Variants in FLNB observed in about 807,000 individuals in gnomAD.
The protein encoded by FLNB is filamin-B.
In FLNB, 111 loss-of-function variants were observed where a neutral mutation model predicts 250.6. The observed-to-expected ratio is 0.44, with a 90% CI of 0.38 to 0.52. FLNB has a LOEUF of 0.52. Ranked by LOEUF, FLNB falls within the 20% of genes least tolerant of loss-of-function variation. The pLI, the probability that FLNB is intolerant of heterozygous loss-of-function variation, is 0.00. For synonymous variants in FLNB, 1,302 were observed against 1,372.1 expected, an observed-to-expected ratio of 0.95 and a Z score of 1.13; for missense variants, 2,869 against 3,447.8, an observed-to-expected ratio of 0.83 and a Z score of 4.20.
At chr3:58,090,102 A>C (rs1256543616) in intron 4 of FLNB, among the ~76,000 whole-genome samples, 1 of 151,798 alleles carries the variant, frequency 6.6e-6, no homozygotes, top group Non-Finnish European at 1.5e-5. Flanking sequence ...CGGCCTCTGT[A>C]AGCTTTTTTC....
intron 42 of FLNB, among the ~76,000 whole-genome samples, chr3:58,161,715 C>T (rs1449363345): frequency 1.3e-5 from 2 of 152,142 alleles, no homozygotes; most frequent in Non-Finnish European, 2.9e-5. Context: ...CCCTGCAAGG[C>T]GTCAAATATT....
At chr3:58,123,822 C>A in intron 21 of FLNB, 132 bp downstream of exon 21, 2 of 752,536 alleles carry the variant, frequency 2.7e-6, no homozygotes, top group Non-Finnish European at 2.2e-6. Context: ...TCACCTGTTC[C>A]CTCTGCCTCG....
At chr3:58,015,427 C>T (rs1481058964) in intron 1 of FLNB, among the ~76,000 whole-genome samples, 1 of 152,168 alleles carries the variant, frequency 6.6e-6, no homozygotes, top group East Asian at 1.9e-4. Flanking sequence ...TCTCCAAGTT[C>T]AGAACGTCTG....
At position 58,106,881 on chromosome 3, in the gene FLNB, A is replaced by T. The variant is rs1283664884; in HGVS notation, c.1941+8A>T. 1 of 1,612,200 alleles carries T rather than the reference A, an allele frequency of 6.2e-7. No homozygotes were observed. Among genetic ancestry groups the T allele is most frequent in the Non-Finnish European group, 8.5e-7 (1 of 1,179,068 alleles). ...GGCTACAACCCTGATCTGGTGAATC[A>T]GCTGCTGTGCTTCTGTCTTCTTGTC... is the stretch of plus-strand genomic sequence containing the variant. On this transcript the variant is annotated splice_region_variant and intron_variant, in intron 12 of 45. Transcript: ENST00000295956.
At chr3:58,118,780 C>T (rs1449869098) in intron 18 of FLNB, 92 bp from the exon 19 acceptor site, 9 of 888,058 alleles carry the variant, frequency 1.0e-5, no homozygotes, top group African/African-American at 4.9e-5. Context: ...CTCCCCTGTC[C>T]GTGAGAAGAA....
At chr3:58,123,832 G>A (rs990732960) in intron 21 of FLNB, 142 bp downstream of exon 21, 53 of 719,192 alleles carry the variant, frequency 7.4e-5, no homozygotes, top group Middle Eastern at 3.9e-4. Context: ...CCTCTGCCTC[G>A]GGGAGTAGTT....
intron 1 of FLNB, among the ~76,000 whole-genome samples, chr3:58,065,856 T>A (rs1376884069): frequency 6.6e-6 from 1 of 152,200 alleles, no homozygotes; most frequent in Non-Finnish European, 1.5e-5. Flanking sequence ...CACGAGGACC[T>A]CCATTCACAG....
chr3:58,111,276 G>C (rs930106396), intron 16 of FLNB, among the ~76,000 whole-genome samples: 9 of 152,178 alleles, frequency 5.9e-5, no homozygotes, highest in Non-Finnish European at 2.9e-5. Context: ...CATAAAAATG[G>C]AAATCTTAGT....
chr3:58,035,970 C>G (rs1355803880), intron 1 of FLNB, among the ~76,000 whole-genome samples: 1 of 152,174 alleles, frequency 6.6e-6, no homozygotes, highest in African/African-American at 2.4e-5. Flanking sequence ...CACCCGGGCT[C>G]TTATTCCACA....
rs369947461 is a variant in FLNB, at chr3:58,134,641, A to T, written c.4540A>T (p.Thr1514Ser). ...RSPFKVKVLP[T>S]YDASKVTASG... The stretch of plus-strand genomic sequence containing the variant: ...TCCCTTCAAGGTCAAGGTCCTTCCC[A>T]CATATGATGCCAGCAAAGTGACTGC... Residue 1514 changes from threonine to serine, a missense_variant, in exon 27 of 46, where the codon ACA becomes TCA. Physicochemically the swap from Thr to Ser is moderately conservative, Grantham distance 58. Around this residue, in one of 5 missense-constraint regions of FLNB, gnomAD observed 126 missense variants for 182.0 expected, o/e 0.69. Transcript: ENST00000295956. 1.2e-6 allele frequency: 2 copies of T among 1,614,006 alleles called. No individual in the cohort carries two copies. The highest frequency in any genetic ancestry group is 1.7e-6 in the Non-Finnish European group (2 of 1,180,016).
chr3:58,050,124 G>C (rs2097160126), intron 1 of FLNB, among the ~76,000 whole-genome samples: 1 of 151,538 alleles, frequency 6.6e-6, no homozygotes, highest in African/African-American at 2.4e-5. Flanking sequence ...CTGCCTCCCG[G>C]GTTCTAACAA....
chr3:58,031,415 T>C (rs1221191995), intron 1 of FLNB, among the ~76,000 whole-genome samples: 3 of 147,552 alleles, frequency 2.0e-5, no homozygotes, highest in African/African-American at 5.0e-5. Flanking sequence ...GCTAATTTTT[T>C]GTATTTTTAG....
At position 58,132,163 on chromosome 3, in the gene FLNB, C is replaced by T. The variant is rs79380986; in HGVS notation, c.4391-645C>T. The T allele has an allele frequency of 6.4e-3, 4,109 of 639,258 alleles. 82 individuals are homozygous for T. The highest frequency in any genetic ancestry group is 0.054 in the East Asian group (1,957 of 36,296). The allele number at this position is 639,258 out of a possible 1,614,324, so 39.6% of individuals were successfully genotyped here. A position where few individuals can be genotyped will look rare whatever the true frequency, so the allele number is the denominator to read the frequency against. On this transcript the variant is annotated intron_variant, in intron 25 of 45. Coordinates refer to ENST00000295956, the MANE Select transcript of FLNB (RefSeq NM_001457.4). The stretch of plus-strand genomic sequence containing the variant: ...TTAACCTACCCTGGAGTTGACCCAT[C>T]CTTGACTGTCACGTTGGAAGCTGGG...
intron 38 of FLNB, 134 bp from the exon 39 acceptor site, chr3:58,153,241 G>A (rs1370355683): frequency 4.8e-6 from 5 of 1,047,666 alleles, no homozygotes; most frequent in Non-Finnish European, 7.3e-6. Flanking sequence ...AGCCTGAAGG[G>A]AAGGAAGCCT....
At chr3:58,030,820 G>A (rs142080231) in intron 1 of FLNB, among the ~76,000 whole-genome samples, 315 of 152,260 alleles carry the variant, frequency 2.1e-3, no homozygotes, top group South Asian at 4.1e-3. Flanking sequence ...TTGCGGTGAG[G>A]TTGTGGTGAG....
At chr3:58,052,038 C>T (rs911349020) in intron 1 of FLNB, among the ~76,000 whole-genome samples, 8 of 152,046 alleles carry the variant, frequency 5.3e-5, no homozygotes, top group African/African-American at 1.2e-4. Context: ...AGGCACGCGC[C>T]GCCACACCCT....
At chr3:58,090,798 T>G (rs2097225618) in intron 4 of FLNB, among the ~76,000 whole-genome samples, 1 of 152,068 alleles carries the variant, frequency 6.6e-6, no homozygotes, top group Admixed American at 6.6e-5. Flanking sequence ...ACAGCCTGGC[T>G]CGGTGGCTCA....
chr3:58,012,398 A>G (rs1359803411), intron 1 of FLNB, among the ~76,000 whole-genome samples: 1 of 152,126 alleles, frequency 6.6e-6, no homozygotes, highest in Non-Finnish European at 1.5e-5. Flanking sequence ...TGACCCAGCT[A>G]GCTAGTAAAT....
intron 1 of FLNB, among the ~76,000 whole-genome samples, chr3:58,016,482 T>A (rs2097105933): frequency 6.7e-6 from 1 of 148,532 alleles, no homozygotes; most frequent in African/African-American, 2.5e-5. Context: ...ATATATATAT[T>A]TATATATGTA....
Sources: allele counts gnomAD v4.1 joint callset (sites outside exome capture counted in the v4.1 genomes callset), GRCh38; gene constraint gnomAD v4.1.1; regional missense constraint gnomAD v4.1.1; transcripts MANE v1.5; gene names NCBI Gene and HGNC (gene_info 2026-07-23, HGNC 2026-07-21).